Variants in TTLL9 observed in about 807,000 individuals in gnomAD.
TTLL9 encodes the protein probable tubulin polyglutamylase TTLL9.
Under a neutral mutation model 65.6 loss-of-function variants are expected in TTLL9, and 47 were observed. The ratio of observed to expected loss-of-function variants is 0.72; its 90% CI spans 0.57 to 0.91. The LOEUF (loss-of-function observed/expected upper bound fraction) is 0.91. Ranked by LOEUF, TTLL9 falls within the 40% of genes least tolerant of loss-of-function variation. The probability of loss-of-function intolerance (pLI) is 0.00; values close to 1 mark genes in which losing one functional copy is unlikely to be tolerated. For missense variants in TTLL9, 537 were observed against 568.8 expected, an observed-to-expected ratio of 0.94 and a Z score of 0.57; for synonymous variants, 179 against 204.8, an observed-to-expected ratio of 0.87 and a Z score of 1.07.
chr20:31,900,103 A>G (rs1375704559), intron 4 of TTLL9, among the ~76,000 whole-genome samples: 1 of 152,184 alleles, frequency 6.6e-6, no homozygotes, highest in African/African-American at 2.4e-5. Flanking sequence ...TACAGGCTAC[A>G]TTTTCCCAAG....
At chr20:31,918,889 G>T (rs1279231247) in intron 6 of TTLL9, among the ~76,000 whole-genome samples, 1 of 152,220 alleles carries the variant, frequency 6.6e-6, no homozygotes, top group Non-Finnish European at 1.5e-5. Flanking sequence ...CCTGAACCAT[G>T]GTGCACAGCA....
intron 2 of TTLL9, among the ~76,000 whole-genome samples, chr20:31,883,844 T>G: frequency 6.6e-6 from 1 of 152,166 alleles, no homozygotes; most frequent in Non-Finnish European, 1.5e-5. Context: ...TCTTAAAAGC[T>G]GAAATAGAGA....
At chr20:31,879,858 G>T (rs899196445) in intron 2 of TTLL9, 2 of 1,550,382 alleles carry the variant, frequency 1.3e-6, no homozygotes, top group Non-Finnish European at 1.7e-6. Flanking sequence ...TGGCGGTTTG[G>T]ATCTGGCCCC....
At chr20:31,937,842 T>C (rs1371911649) in intron 13 of TTLL9, among the ~76,000 whole-genome samples, 2 of 152,178 alleles carry the variant, frequency 1.3e-5, no homozygotes, top group African/African-American at 4.8e-5. Context: ...GGAAATGCCA[T>C]GTCTGCCTCT....
chr20:31,920,388 G>A (rs2063799240), intron 7 of TTLL9, among the ~76,000 whole-genome samples: 1 of 152,112 alleles, frequency 6.6e-6, no homozygotes, highest in Non-Finnish European at 1.5e-5. Flanking sequence ...GAGCCTCGGG[G>A]GCAGCTACCT....
chr20:31,913,855 G>A (rs556172168), intron 6 of TTLL9, among the ~76,000 whole-genome samples: 1 of 152,256 alleles, frequency 6.6e-6, no homozygotes, highest in African/African-American at 2.4e-5. Flanking sequence ...GGCCGTCAGG[G>A]TTGGTGGGGA....
chr20:31,870,889 G>A lies in TTLL9; in HGVS notation c.-66G>A, dbSNP rs2062915283. ...CCTCGGCTTCTAGCAGAAACGTGAC[G>A]GGGCTGGACTTTGATCGCCGAGGGC... On this transcript the variant is annotated 5_prime_UTR_variant, in exon 1 of 15. Coordinates refer to ENST00000535842, the MANE Select transcript of TTLL9 (RefSeq NM_001008409.5). This position sits in a 1 kb window ranked among gnomAD's most constrained non-coding sequence, Gnocchi z 6.6. 2 of 551,022 alleles carry A rather than the reference G, an allele frequency of 3.6e-6. No homozygotes were observed. Among genetic ancestry groups the A allele is most frequent in the Non-Finnish European group, 3.2e-6 (1 of 312,746 alleles). 34.1% of individuals were successfully genotyped at this position (551,022 alleles called of 1,614,324 possible).
Position 31,927,128 on chromosome 20 carries a change from ATCTC to A in TTLL9, c.748+1047_748+1050del, listed in dbSNP as rs141502300. On this transcript the variant is annotated intron_variant, in intron 10 of 14. Coordinates refer to ENST00000535842, the MANE Select transcript of TTLL9 (RefSeq NM_001008409.5). The stretch of plus-strand genomic sequence containing the variant: ...AGACTGTATGTCAAAAAAAAAAAAA[ATCTC>A]TCTCTCTCTGTCTATATATATATGT... Among the ~76,000 whole-genome samples the A allele has an allele frequency of 3.4e-5, 5 of 149,026 alleles. No homozygotes were observed. In the South Asian group the frequency reaches 8.5e-4, roughly 25 times the overall value.
chr20:31,889,031 T>A (rs2063241395), intron 3 of TTLL9, among the ~76,000 whole-genome samples: 1 of 129,478 alleles, frequency 7.7e-6, no homozygotes. Context: ...CTACTTATTT[T>A]ATAAAGGCAC....
At chr20:31,916,218 C>T (rs2063731489) in intron 6 of TTLL9, among the ~76,000 whole-genome samples, 1 of 152,230 alleles carries the variant, frequency 6.6e-6, no homozygotes, top group Admixed American at 6.5e-5. Flanking sequence ...CAGGCAGAAG[C>T]TATATTGCCT....
intron 3 of TTLL9, among the ~76,000 whole-genome samples, chr20:31,896,680 C>A (rs1425672072): frequency 6.6e-6 from 1 of 152,018 alleles, no homozygotes; most frequent in East Asian, 1.9e-4. Flanking sequence ...CAGGTGCCCA[C>A]CACCACGCCT....
rs763295167 is a variant in TTLL9, at chr20:31,919,871, G to A, written c.512G>A (p.Arg171Gln). The change falls in exon 7 of 15, where the codon CGG becomes CAG. Residue 171 changes from arginine (R) to glutamine (Q), a missense_variant. This residue lies in a region of TTLL9 where 320 missense variants were observed against 311.0 expected (regional missense o/e 1.03). Coordinates refer to ENST00000535842, the MANE Select transcript of TTLL9 (RefSeq NM_001008409.5). Reference sequence around the variant, plus strand: ...GCCCCCATCCCACCCCAGGTAGCCCGGTCTCAAGGGAAAGGCATCTTCCTC... The same window carrying A: ...GCCCCCATCCCACCCCAGGTAGCCCAGTCTCAAGGGAAAGGCATCTTCCTC... ...GITWIMKPVA[R>Q]SQGKGIFLFR... 12 of 1,589,268 alleles carry A rather than the reference G, an allele frequency of 7.6e-6. No individual in the cohort carries two copies. Among genetic ancestry groups the A allele is most frequent in the South Asian group, 1.1e-5 (1 of 87,834 alleles).
Position 31,943,100 on chromosome 20 carries a change from C to T in TTLL9, c.*79C>T. 4 of 1,355,698 alleles carry T rather than the reference C, an allele frequency of 3.0e-6. No individual in the cohort carries two copies. The highest frequency in any genetic ancestry group is 3.2e-6 in the Non-Finnish European group (3 of 951,060). The allele number at this position is 1,355,698 out of a possible 1,614,324, so 84.0% of individuals were successfully genotyped here. On this transcript the variant is annotated 3_prime_UTR_variant, in exon 15 of 15. Transcript: ENST00000535842. The stretch of plus-strand genomic sequence containing the variant: ...CCCACTCCCAGATCCCAGCACAGCA[C>T]CTCACAGCATTCGCCTCCCCACCTC...
Position 31,913,798 on chromosome 20 carries a change from C to T in TTLL9, c.504+3876C>T, listed in dbSNP as rs139974986. Among the ~76,000 whole-genome samples the T allele has an allele frequency of 1.2e-3, 189 of 152,362 alleles. 4 individuals are homozygous for T. In the East Asian group the frequency reaches 0.035, roughly 28 times the overall value. On this transcript the variant is annotated intron_variant, in intron 6 of 14. Coordinates refer to ENST00000535842, the MANE Select transcript of TTLL9 (RefSeq NM_001008409.5). ...AAAGTCCAGTGTAAACATTGCATCG[C>T]TCTTAGCTTTCTTCCCATGGAAGCA...
At chr20:31,935,335 A>G (rs1600625709) in intron 12 of TTLL9, among the ~76,000 whole-genome samples, 1 of 152,324 alleles carries the variant, frequency 6.6e-6, no homozygotes, top group East Asian at 1.9e-4. Flanking sequence ...CGAATAGAAC[A>G]AGCCTGACCT....
intron 2 of TTLL9, among the ~76,000 whole-genome samples, chr20:31,878,331 A>G (rs1334481177): frequency 6.6e-6 from 1 of 152,266 alleles, no homozygotes. Context: ...AACTAGCAGC[A>G]TCTTCCACAC....
intron 2 of TTLL9, among the ~76,000 whole-genome samples, chr20:31,881,755 G>A (rs1320936481): frequency 2.0e-5 from 3 of 151,682 alleles, no homozygotes; most frequent in Non-Finnish European, 4.4e-5. Flanking sequence ...GAAAGTGTTA[G>A]AAAAAAAGAA....
intron 4 of TTLL9, among the ~76,000 whole-genome samples, chr20:31,907,930 C>T (rs542536198): frequency 6.6e-6 from 1 of 152,248 alleles, no homozygotes; most frequent in Non-Finnish European, 1.5e-5. Context: ...AACACCTCCT[C>T]CCCGCACCCC....
chr20:31,899,921 C>T (rs1242125336), intron 4 of TTLL9, among the ~76,000 whole-genome samples: 3 of 152,082 alleles, frequency 2.0e-5, no homozygotes, highest in African/African-American at 7.2e-5. Flanking sequence ...CCACCACGAC[C>T]AGCTAATTTT....
Sources: allele counts gnomAD v4.1 joint callset (sites outside exome capture counted in the v4.1 genomes callset), GRCh38; gene constraint gnomAD v4.1.1; regional missense constraint gnomAD v4.1.1; non-coding constraint Gnocchi (gnomAD v3.1); transcripts MANE v1.5; gene names NCBI Gene and HGNC (gene_info 2026-07-23, HGNC 2026-07-21).